ALMS1: variants seen among roughly 807,000 people sequenced by gnomAD.
ALMS1 encodes the protein centrosome-associated protein ALMS1.
Under a neutral mutation model 352.2 loss-of-function variants are expected in ALMS1, and 271 were observed. The ratio of observed to expected loss-of-function variants is 0.77; its 90% confidence interval spans 0.70 to 0.85. ALMS1 has a LOEUF of 0.85. Among genes scored for constraint, ALMS1 ranks in the 40% least tolerant of loss-of-function variants. The probability of loss-of-function intolerance (pLI) is 0.00; values close to 1 mark genes in which losing one functional copy is unlikely to be tolerated. For missense variants in ALMS1, 5,445 were observed against 4,870.7 expected, an observed-to-expected ratio of 1.12 and a Z score of -3.51; for synonymous variants, 1,865 against 1,761.2, an observed-to-expected ratio of 1.06 and a Z score of -1.48.
intron 2 of ALMS1, among the ~76,000 whole-genome samples, chr2:73,414,725 TC>T (rs1558635673): frequency 6.6e-6 from 1 of 151,732 alleles, no homozygotes; most frequent in East Asian, 1.9e-4. Context: ...TGGTTTTTTT[TC>T]TACTCATCTG....
rs527617375 is a variant in ALMS1, at chr2:73,489,861, C to T, written c.7902C>T (p.Asp2634=). The T allele has an allele frequency of 3.1e-6, 5 of 1,614,124 alleles. No individual in the cohort carries two copies. Among genetic ancestry groups the T allele is most frequent in the African/African-American group, 2.7e-5 (2 of 75,020 alleles). Residue 2634 remains aspartate (D), a synonymous_variant, in exon 10 of 23, where the codon GAC becomes GAT. Transcript: ENST00000613296. Reference sequence around the variant, plus strand: ...ATGTCAACCTTTCTGCATCCTTAGACCAGAACAACTCCCATTTCAAAGTTT... The same window carrying T: ...ATGTCAACCTTTCTGCATCCTTAGATCAGAACAACTCCCATTTCAAAGTTT... The part of the protein sequence containing the change: ...AKHVNLSASL[D]QNNSHFKVWN...
chr2:73,532,872 A>G (rs757643506), intron 11 of ALMS1, among the ~76,000 whole-genome samples: 6 of 152,104 alleles, frequency 3.9e-5, no homozygotes, highest in Non-Finnish European at 8.8e-5. Context: ...TCTGAGTCTC[A>G]CCCAGGTGAG....
At chr2:73,434,886 T>C (rs972566189) in intron 7 of ALMS1, among the ~76,000 whole-genome samples, 6 of 152,170 alleles carry the variant, frequency 3.9e-5, no homozygotes, top group Non-Finnish European at 8.8e-5. Flanking sequence ...AACCTCTACC[T>C]TCTGGGTTCC....
chr2:73,598,332 T>A (rs1675595829), intron 16 of ALMS1, among the ~76,000 whole-genome samples: 1 of 152,232 alleles, frequency 6.6e-6, no homozygotes, highest in African/African-American at 2.4e-5. Flanking sequence ...TGAGCCTGGC[T>A]TAAATCTGCT....
Position 73,609,665 on chromosome 2 carries a change from A to G in ALMS1, c.*53A>G, listed in dbSNP as rs944740291. ...GAATTCTATTTTATGAACCTAGAGA[A>G]GCAGAATCCTTACTTTTGTGAGTCT... On this transcript the variant is annotated 3_prime_UTR_variant, in exon 23 of 23. Transcript: ENST00000613296. 4 of 1,545,492 alleles carry G rather than the reference A, an allele frequency of 2.6e-6. No individual in the cohort carries two copies. The highest frequency in any genetic ancestry group is 3.6e-6 in the Non-Finnish European group (4 of 1,117,632).
chr2:73,391,023 G>A (rs1411447490), intron 1 of ALMS1, among the ~76,000 whole-genome samples: 2 of 151,776 alleles, frequency 1.3e-5, no homozygotes, highest in South Asian at 2.1e-4. Flanking sequence ...CACCCGCCTC[G>A]GCCTCCCAAA....
chr2:73,493,346 TACACACAC>T (rs55857864), intron 10 of ALMS1, among the ~76,000 whole-genome samples: 5 of 144,416 alleles, frequency 3.5e-5, no homozygotes, highest in African/African-American at 7.6e-5. Flanking sequence ...TAAGGCAAAC[TACACACAC>T]ACACACACAC....
intron 16 of ALMS1, among the ~76,000 whole-genome samples, chr2:73,591,806 G>A (rs1051189853): frequency 6.6e-6 from 1 of 152,196 alleles, no homozygotes; most frequent in Non-Finnish European, 1.5e-5. Context: ...CTTCCAGGCT[G>A]TAGTTTTTCA....
At chr2:73,476,136 A>G (rs773887535) in intron 9 of ALMS1, among the ~76,000 whole-genome samples, 1 of 152,112 alleles carries the variant, frequency 6.6e-6, no homozygotes, top group Non-Finnish European at 1.5e-5. Context: ...ATAGTAGCAG[A>G]ATCACACAGT....
chr2:73,461,033 G>A (rs994195874), intron 9 of ALMS1, among the ~76,000 whole-genome samples: 1 of 152,226 alleles, frequency 6.6e-6, no homozygotes, highest in Admixed American at 6.5e-5. Flanking sequence ...CCAAACAAAA[G>A]GCAGCAGTAA....
intron 10 of ALMS1, among the ~76,000 whole-genome samples, chr2:73,493,014 T>C (rs1673025705): frequency 6.6e-6 from 1 of 151,664 alleles, no homozygotes; most frequent in Admixed American, 6.6e-5. Flanking sequence ...GACAATTTCA[T>C]ATACAATTTT....
At chr2:73,438,740 A>C (rs903890475) in intron 7 of ALMS1, among the ~76,000 whole-genome samples, 6 of 152,204 alleles carry the variant, frequency 3.9e-5, no homozygotes, top group African/African-American at 1.4e-4. Context: ...AGAAAATATC[A>C]AAAAAGACAG....
chr2:73,526,343 T>C (rs991038223), intron 11 of ALMS1, among the ~76,000 whole-genome samples: 8 of 152,190 alleles, frequency 5.3e-5, no homozygotes, highest in African/African-American at 1.7e-4. Context: ...GGGATTGCCT[T>C]GAATACAGAT....
At chr2:73,409,364 C>T (rs1405193854) in intron 2 of ALMS1, among the ~76,000 whole-genome samples, 2 of 152,136 alleles carry the variant, frequency 1.3e-5, no homozygotes, top group South Asian at 2.1e-4. Context: ...CCTCTTGCCT[C>T]GGCCTCCTAA....
intron 1 of ALMS1, among the ~76,000 whole-genome samples, chr2:73,405,703 C>G (rs1321105824): frequency 1.3e-5 from 2 of 151,760 alleles, no homozygotes; most frequent in Non-Finnish European, 2.9e-5. Context: ...GCATTTACGA[C>G]TGTAGATTAC....
intron 1 of ALMS1, among the ~76,000 whole-genome samples, chr2:73,402,556 A>G (rs116614202): frequency 0.023 from 3,423 of 152,054 alleles, 128 homozygotes; most frequent in Admixed American, 0.09. Flanking sequence ...CACCGCGCCC[A>G]GTCGTAGTTC....
At chr2:73,390,861 C>T (rs1670629208) in intron 1 of ALMS1, among the ~76,000 whole-genome samples, 1 of 151,982 alleles carries the variant, frequency 6.6e-6, no homozygotes, top group Admixed American at 6.6e-5. Context: ...ACCTCCGCCT[C>T]CCGGGTTCAA....
chr2:73,486,494 A>G lies in ALMS1; in HGVS notation c.7675-3140A>G, dbSNP rs543314893. Reference sequence around the variant, plus strand: ...CTCTCTTTTGCTAGGCTTCACCTCTACTGGGTTTTTAGCTAGTGAGAAAAG... The same window carrying G: ...CTCTCTTTTGCTAGGCTTCACCTCTGCTGGGTTTTTAGCTAGTGAGAAAAG... On this transcript the variant is annotated intron_variant, in intron 9 of 22. Transcript: ENST00000613296. 9.9e-5 allele frequency among the ~76,000 whole-genome samples: 15 copies of G among 152,246 alleles called. 1 individual carries two copies. In the South Asian group the frequency reaches 2.9e-3, roughly 29 times the overall value.
chr2:73,412,193 C>G (rs572758647), intron 2 of ALMS1, among the ~76,000 whole-genome samples: 49 of 152,318 alleles, frequency 3.2e-4, no homozygotes, highest in Admixed American at 3.3e-4. Context: ...AGATAGACAG[C>G]ACTGCCTTCA....
Sources: gnomAD v4.1 joint callset for allele counts (sites outside exome capture counted in the v4.1 genomes callset) on GRCh38, gnomAD v4.1.1 for gene constraint, MANE v1.5 for transcripts, NCBI Gene and HGNC (gene_info 2026-07-23, HGNC 2026-07-21) for gene names.